The following LCTL variants were observed in gnomAD, a reference collection of about 807,000 sequenced individuals.
LCTL encodes lactase like, also known as lactase-like protein.
In LCTL, 76 loss-of-function variants were observed where a neutral mutation model predicts 75.8. The ratio of observed to expected loss-of-function variants is 1.00; its 90% CI spans 0.83 to 1.21. The LOEUF is 1.21. Ranked by LOEUF, LCTL falls within the 50% of genes most tolerant of loss-of-function variation. The pLI, the probability that LCTL is intolerant of heterozygous loss-of-function variation, is 0.00. For missense variants in LCTL, 670 were observed against 712.4 expected (o/e 0.94, Z 0.68); for synonymous variants, 271 against 268.8 (o/e 1.01, Z -0.08).
exon 8 of LCTL, chr15:66,557,859 C>G: frequency 6.2e-7 from 1 of 1,614,092 alleles, no homozygotes; most frequent in Non-Finnish European, 8.5e-7. Context: ...CCCCCAGTCA[C>G]AGTTCAATGA....
At chr15:66,564,020 G>A in intron 2 of LCTL, 22 bp from the exon 4 acceptor site, 2 of 1,561,658 alleles carry the variant, frequency 1.3e-6, no homozygotes, top group Non-Finnish European at 1.8e-6. Context: ...GGGGTGGGGA[G>A]ACAGGTCACC....
intron 8 of LCTL, among the ~76,000 whole-genome samples, chr15:66,554,206 G>A (rs1052805660): frequency 6.0e-5 from 9 of 150,684 alleles, no homozygotes; most frequent in South Asian, 2.1e-4. Flanking sequence ...CAGGAGAGTC[G>A]CTTGAAGCCG....
intron 6 of LCTL, 87 bp downstream of exon 7, chr15:66,560,919 C>T (rs1183335887): frequency 8.7e-6 from 10 of 1,143,322 alleles, no homozygotes; most frequent in African/African-American, 3.1e-5. Flanking sequence ...GGAGGTGGAG[C>T]GGCAGAGGAC....
intron 11 of LCTL, 86 bp downstream of exon 12, chr15:66,551,574 GAA>G: frequency 3.8e-6 from 4 of 1,044,110 alleles, no homozygotes; most frequent in Non-Finnish European, 5.8e-6. Flanking sequence ...GGAGGAAAGA[GAA>G]GAGAAACTTG....
At chr15:66,563,950 A>T in exon 3 of LCTL, 1 of 1,614,076 alleles carries the variant, frequency 6.2e-7, no homozygotes, top group Non-Finnish European at 8.5e-7. Flanking sequence ...CAAGACAGGG[A>T]GAATCGGTAG....
intron 6 of LCTL, 70 bp from the exon 8 acceptor site, chr15:66,558,106 C>T: frequency 7.5e-7 from 1 of 1,333,076 alleles, no homozygotes; most frequent in South Asian, 1.4e-5. Context: ...TCTGAGTGGC[C>T]TTTCTTTGCT....
At chr15:66,565,465 T>C in exon 1 of LCTL, 1 of 707,648 alleles carries the variant, frequency 1.4e-6, no homozygotes, top group South Asian at 1.8e-5. Flanking sequence ...AAAGGCCAAG[T>C]GGGGAGAGGA....
At chr15:66,563,673 G>T in intron 3 of LCTL, 48 bp from the exon 5 acceptor site, 1 of 1,400,102 alleles carries the variant, frequency 7.1e-7, no homozygotes, top group Non-Finnish European at 1.0e-6. Context: ...CCTCGGCCTT[G>T]GCCTTGGCCT....
At chr15:66,565,382 C>A (rs766701252) in exon 1 of LCTL, 11 of 1,515,072 alleles carry the variant, frequency 7.3e-6, no homozygotes, top group Non-Finnish European at 1.0e-5. Context: ...TGGCCCTCCC[C>A]CATACCTGAA....
chr15:66,565,779 C>T (rs1896010366), upstream of LCTL: 1 of 185,676 alleles, frequency 5.4e-6, no homozygotes, highest in Non-Finnish European at 1.1e-5. Context: ...GGTTGCCCAT[C>T]CCAGTGCCTC....
In LCTL at chr15:66,563,552, AGTGAT is replaced by A. The variant is rs755604420; in HGVS notation, c.439_443del (p.Ile147SerfsTer39). Reference sequence around the variant, plus strand: ...CCCAGTGGTGCAAGGTCACGATGGGAGTGATGTTGCTGCTCAGAAGGGCATCGATA... The same window carrying A: ...CCCAGTGGTGCAAGGTCACGATGGGAGTTGCTGCTCAGAAGGGCATCGATA... On this transcript the variant is annotated frameshift_variant, in exon 4 of 13. Transcript: ENST00000341509. LOFTEE classifies it high-confidence loss of function. The A allele has an allele frequency of 1.2e-6, 2 of 1,612,316 alleles. No individual in the cohort carries two copies. Among genetic ancestry groups the A allele is most frequent in the Non-Finnish European group, 8.5e-7 (1 of 1,179,756 alleles).
At chr15:66,563,842 G>T in intron 3 of LCTL, 69 bp downstream of exon 4, 1 of 1,234,862 alleles carries the variant, frequency 8.1e-7, no homozygotes, top group Non-Finnish European at 1.2e-6. Flanking sequence ...GGACTCTGTG[G>T]TGCCCCTGCA....
intron 4 of LCTL, 30 bp from the exon 6 acceptor site, chr15:66,561,345 G>T (rs76485286): frequency 6.2e-7 from 1 of 1,613,862 alleles, no homozygotes; most frequent in Non-Finnish European, 8.5e-7. Context: ...GATGCCCCAT[G>T]AATGAACCGC....
intron 8 of LCTL, among the ~76,000 whole-genome samples, chr15:66,555,412 G>A (rs1895717410): frequency 6.6e-6 from 1 of 151,820 alleles, no homozygotes; most frequent in Non-Finnish European, 1.5e-5. Context: ...ATGATGGCAG[G>A]TGCCTGTAAT....
intron 6 of LCTL, among the ~76,000 whole-genome samples, chr15:66,558,754 G>GGTA (rs2140846116): frequency 6.7e-6 from 1 of 149,776 alleles, no homozygotes; most frequent in South Asian, 2.1e-4. Flanking sequence ...GGAGTGCAGT[G>GGTA]GTACAATCTT....
intron 6 of LCTL, among the ~76,000 whole-genome samples, chr15:66,558,275 T>C (rs1219548017): frequency 6.6e-6 from 1 of 152,224 alleles, no homozygotes; most frequent in African/African-American, 2.4e-5. Context: ...TTATCGTTTT[T>C]AAGATTTTTG....
At chr15:66,556,876 G>T (rs1008808188) in intron 8 of LCTL, among the ~76,000 whole-genome samples, 1 of 152,006 alleles carries the variant, frequency 6.6e-6, no homozygotes, top group Non-Finnish European at 1.5e-5. Context: ...TTATACCACT[G>T]AACTGTACAC....
intron 10 of LCTL, 65 bp from the exon 12 acceptor site, chr15:66,551,926 A>G: frequency 6.6e-7 from 1 of 1,518,484 alleles, no homozygotes; most frequent in South Asian, 1.2e-5. Context: ...AACTGAAGAT[A>G]ATGTTAAAAT....
exon 13 of LCTL, chr15:66,548,293 ACAAGTGTTTTTTTTTTTAATTT>A (rs1034717699): frequency 1.6e-4 from 65 of 401,350 alleles, no homozygotes; most frequent in Admixed American, 4.2e-4. Flanking sequence ...GGGTGAGATT[ACAAGTGTTTTTTTTTTTAATTT>A]CTGCTTATTT....
Sources: allele counts gnomAD v4.1 joint callset (sites outside exome capture counted in the v4.1 genomes callset), GRCh38; gene constraint gnomAD v4.1.1; transcripts MANE v1.5; gene names NCBI Gene and HGNC (gene_info 2026-07-23, HGNC 2026-07-21).